The following MAN1A1 variants were observed in gnomAD, a reference collection of about 807,000 sequenced individuals.
MAN1A1 encodes mannosidase alpha class 1A member 1.
Under a neutral mutation model 70.8 loss-of-function variants are expected in MAN1A1, and 29 were observed. That is an observed-to-expected ratio of 0.41 (90% CI 0.31 to 0.56). The LOEUF (loss-of-function observed/expected upper bound fraction) is 0.56, where lower values mean the gene tolerates loss of function less well. Ranked by LOEUF, MAN1A1 falls within the 20% of genes least tolerant of loss-of-function variation. The pLI is 0.29. For missense variants in MAN1A1, 747 were observed against 841.3 expected (o/e 0.89, Z 1.39); for synonymous variants, 349 against 330.1 (o/e 1.06, Z -0.62).
intron 5 of MAN1A1, among the ~76,000 whole-genome samples, chr6:119,260,976 GTTTTTTTT>G (rs61169300): frequency 8.6e-6 from 1 of 116,942 alleles, no homozygotes; most frequent in African/African-American, 3.4e-5. Context: ...TTTTTTTATT[GTTTTTTTT>G]TTTTTTTTTT....
At chr6:119,274,617 AACT>A (rs1258227072) in intron 5 of MAN1A1, among the ~76,000 whole-genome samples, 6 of 152,168 alleles carry the variant, frequency 3.9e-5, no homozygotes, top group Non-Finnish European at 7.4e-5. Context: ...CAACTACCTC[AACT>A]ACTACCATTT....
chr6:119,191,776 CT>C (rs1262294976), intron 9 of MAN1A1, among the ~76,000 whole-genome samples: 1 of 152,160 alleles, frequency 6.6e-6, no homozygotes, highest in African/African-American at 2.4e-5. Flanking sequence ...GGATTAAATG[CT>C]TCCCAAAATC....
At chr6:119,285,979 A>G (rs1403586833) in intron 5 of MAN1A1, among the ~76,000 whole-genome samples, 3 of 152,218 alleles carry the variant, frequency 2.0e-5, no homozygotes, top group Non-Finnish European at 4.4e-5. Context: ...ACCGGAAGAT[A>G]CATTTCCATC....
chr6:119,182,415 A>G (rs1247834394), intron 11 of MAN1A1, among the ~76,000 whole-genome samples: 2 of 152,142 alleles, frequency 1.3e-5, no homozygotes, highest in Non-Finnish European at 2.9e-5. Context: ...TCGAATCCAA[A>G]AAATCATTGC....
chr6:119,250,204 C>T (rs1775279740), intron 5 of MAN1A1, among the ~76,000 whole-genome samples: 1 of 152,230 alleles, frequency 6.6e-6, no homozygotes, highest in Non-Finnish European at 1.5e-5. Context: ...TGTTGACTTT[C>T]TGGTTTCTAC....
At chr6:119,221,307 TCCACAGATAA>T (rs1774352778) in intron 6 of MAN1A1, among the ~76,000 whole-genome samples, 1 of 152,106 alleles carries the variant, frequency 6.6e-6, no homozygotes. Flanking sequence ...CTATTCCCTC[TCCACAGATAA>T]CCACTGTTAC....
intron 6 of MAN1A1, among the ~76,000 whole-genome samples, chr6:119,217,148 GCTCA>G (rs1774228342): frequency 6.6e-6 from 1 of 152,096 alleles, no homozygotes; most frequent in Admixed American, 6.5e-5. Context: ...TGGTCTAGTT[GCTCA>G]CTAACTGGGC....
chr6:119,279,955 A>G (rs1776184065), intron 5 of MAN1A1, among the ~76,000 whole-genome samples: 1 of 152,238 alleles, frequency 6.6e-6, no homozygotes, highest in African/African-American at 2.4e-5. Context: ...TACAACTTCT[A>G]GCAGCAGCAC....
chr6:119,348,347 C>T (rs910061267), intron 2 of MAN1A1, 116 bp downstream of exon 2: 2 of 1,056,806 alleles, frequency 1.9e-6, no homozygotes, highest in Non-Finnish European at 2.7e-6. Flanking sequence ...GTGGAAGGGG[C>T]AAACCTCCAT....
intron 5 of MAN1A1, among the ~76,000 whole-genome samples, chr6:119,260,851 C>T (rs893096148): frequency 6.6e-6 from 1 of 152,012 alleles, no homozygotes; most frequent in African/African-American, 2.4e-5. Context: ...TTGAAAATAT[C>T]AGACTGAAAT....
At chr6:119,187,060 CAA>C (rs1390363448) in intron 11 of MAN1A1, among the ~76,000 whole-genome samples, 18 of 152,132 alleles carry the variant, frequency 1.2e-4, no homozygotes. Flanking sequence ...CACAGCAAAC[CAA>C]AGCATCCTGT....
At chr6:119,188,762 C>T (rs183436220) in intron 10 of MAN1A1, among the ~76,000 whole-genome samples, 185 bp from the exon 11 acceptor site, 30 of 152,292 alleles carry the variant, frequency 2.0e-4, no homozygotes, top group African/African-American at 6.3e-4. Context: ...AAAGTATTCG[C>T]ATACAACCTG....
intron 6 of MAN1A1, among the ~76,000 whole-genome samples, chr6:119,244,225 A>G (rs566757302): frequency 2.0e-5 from 3 of 152,010 alleles, no homozygotes; most frequent in Admixed American, 2.0e-4. Flanking sequence ...CAAGTTCGAG[A>G]AAAAAAAGCA....
chr6:119,316,715 C>G (rs576002667), intron 2 of MAN1A1, among the ~76,000 whole-genome samples: 6 of 151,980 alleles, frequency 3.9e-5, no homozygotes, highest in African/African-American at 1.2e-4. Flanking sequence ...TTGAAATGTG[C>G]TATCTTTAAA....
chr6:119,184,090 G>A (rs1405531250), intron 11 of MAN1A1, among the ~76,000 whole-genome samples: 3 of 151,968 alleles, frequency 2.0e-5, no homozygotes, highest in South Asian at 2.1e-4. Flanking sequence ...CTTTAGGAAC[G>A]TGAAGCTGGG....
rs530871949 is a variant in MAN1A1, at chr6:119,243,193, A to C, written c.992+5067T>G. ...CAGAACATTTTTAGGATAATTAAGC[A>C]ATATTTTTGCCTCATAGAATACTAG... is the stretch of plus-strand genomic sequence containing the variant. On this transcript the variant is annotated intron_variant, in intron 6 of 12. Coordinates refer to ENST00000368468, the MANE Select transcript of MAN1A1 (RefSeq NM_005907.4). Among the ~76,000 whole-genome samples, 10 of 152,258 alleles carry C rather than the reference A, an allele frequency of 6.6e-5. No individual in the cohort carries two copies. In the South Asian group the frequency reaches 2.1e-3, roughly 32 times the overall value.
chr6:119,349,829 G>T, upstream of MAN1A1: 1 of 888,190 alleles, frequency 1.1e-6, no homozygotes, highest in Non-Finnish European at 1.3e-6. Context: ...TGACGGCGCG[G>T]CCGGGCCAAT....
intron 2 of MAN1A1, among the ~76,000 whole-genome samples, chr6:119,333,246 G>C (rs1773368624): frequency 2.6e-5 from 4 of 152,184 alleles, no homozygotes. Flanking sequence ...TAACTAGACA[G>C]CTTCCTCCCT....
chr6:119,216,109 G>A lies in MAN1A1; in HGVS notation c.993-11227C>T, dbSNP rs559224088. Among the ~76,000 whole-genome samples, 170 of 152,328 alleles carry A rather than the reference G, an allele frequency of 1.1e-3. 1 individual carries two copies. The highest frequency in any genetic ancestry group is 3.8e-3 in the African/African-American group (159 of 41,580). On this transcript the variant is annotated intron_variant, in intron 6 of 12. Transcript: ENST00000368468. ...GGACTCCAGTGCCAGGGCCTCTGGAGAGCTGATGCAGGGGCAGATTACACA... is the reference window on the plus strand; with the variant it reads ...GGACTCCAGTGCCAGGGCCTCTGGAAAGCTGATGCAGGGGCAGATTACACA...
Sources: gnomAD v4.1 joint callset for allele counts (sites outside exome capture counted in the v4.1 genomes callset) on GRCh38, gnomAD v4.1.1 for gene constraint, MANE v1.5 for transcripts, NCBI Gene and HGNC (gene_info 2026-07-23, HGNC 2026-07-21) for gene names.